KEAP1: variants seen among roughly 807,000 people sequenced by gnomAD.
The protein encoded by KEAP1 is kelch-like ECH-associated protein 1.
In KEAP1, 26 loss-of-function variants were observed where a neutral mutation model predicts 59.7. The observed-to-expected ratio is 0.44, with a 90% CI of 0.32 to 0.60. The LOEUF (loss-of-function observed/expected upper bound fraction) is 0.60, where lower values mean the gene tolerates loss of function less well. Ranked by LOEUF, KEAP1 falls within the 20% of genes least tolerant of loss-of-function variation. KEAP1 has a pLI of 0.06. For missense variants in KEAP1, 539 were observed against 871.4 expected (o/e 0.62, Z 4.80); for synonymous variants, 350 against 358.3 (o/e 0.98, Z 0.26).
At chr19:10,497,815 G>C (rs1914900797) in intron 2 of KEAP1, among the ~76,000 whole-genome samples, 1 of 152,170 alleles carries the variant, frequency 6.6e-6, no homozygotes, top group Admixed American at 6.5e-5. Context: ...GCCTCCTTGA[G>C]CCCAAGAGTT....
In KEAP1 at chr19:10,489,181, C is replaced by T. The variant is rs977175626; in HGVS notation, c.1708+11G>A. ...GCTAGTCAGGACTCTTCCCCGCCCC[C>T]AGGGCCTCACCAAGGACGTAGATTC... On this transcript the variant is annotated intron_variant, in intron 5 of 5. Transcript: ENST00000171111. 6.2e-7 allele frequency: 1 copy of T among 1,610,064 alleles called. No individual in the cohort carries two copies. Among genetic ancestry groups the T allele is most frequent in the Non-Finnish European group, 8.5e-7 (1 of 1,178,666 alleles).
At chr19:10,494,765 C>T (rs1914797008) in intron 2 of KEAP1, among the ~76,000 whole-genome samples, 1 of 151,462 alleles carries the variant, frequency 6.6e-6, no homozygotes, top group African/African-American at 2.4e-5. Flanking sequence ...ATGCGATTCT[C>T]CTGCCTCAGC....
chr19:10,501,502 C>T (rs966631472), intron 1 of KEAP1, among the ~76,000 whole-genome samples: 62 of 151,580 alleles, frequency 4.1e-4, no homozygotes, highest in African/African-American at 1.4e-3. Context: ...TGGCGGCGGG[C>T]GCCTGTAGTC....
chr19:10,492,090 A>T lies in KEAP1; in HGVS notation c.812T>A (p.Val271Glu), dbSNP rs1599484575. The change falls in exon 3 of 6, where the codon GTG becomes GAG. Residue 271 changes from valine to glutamate, a missense_variant. Transcript: ENST00000171111. ...RFYVQALLRAVRCHSLTPNFL... is the reference protein window; with the variant it reads ...RFYVQALLRAERCHSLTPNFL... The stretch of plus-strand genomic sequence containing the variant: ...GTTCGGCGTCAACGAGTGGCAGCGC[A>T]CGGCCCGCAGCAGCGCCTGGACGTA... 1 of 1,613,902 alleles carries T rather than the reference A, an allele frequency of 6.2e-7. No individual in the cohort carries two copies. Among genetic ancestry groups the T allele is most frequent in the East Asian group, 2.2e-5 (1 of 44,886 alleles).
chr19:10,498,293 C>T (rs569317996), intron 2 of KEAP1, among the ~76,000 whole-genome samples: 3 of 149,382 alleles, frequency 2.0e-5, no homozygotes, highest in Non-Finnish European at 3.0e-5. Context: ...TCCACCTCCC[C>T]GGTTCAAGCG....
chr19:10,496,873 G>T (rs536289744), intron 2 of KEAP1, among the ~76,000 whole-genome samples: 2 of 151,290 alleles, frequency 1.3e-5, no homozygotes, highest in Non-Finnish European at 2.9e-5. Context: ...TCCCAGCACA[G>T]TTAGGGAGGC....
rs1325884592 is a variant in KEAP1, at chr19:10,503,277, G to T, written c.-84C>A. 3.3e-5 allele frequency: 5 copies of T among 152,446 alleles called. No homozygotes were observed. Among genetic ancestry groups the T allele is most frequent in the African/African-American group, 1.2e-4 (5 of 41,472 alleles). The allele number at this position is 152,446 out of a possible 1,614,324, so 9.4% of individuals were successfully genotyped here. On this transcript the variant is annotated 5_prime_UTR_variant, in exon 1 of 6. Transcript: ENST00000171111. This position sits in a 1 kb window ranked among gnomAD's most constrained non-coding sequence, Gnocchi z 4.3. ...GGGACCCGCGGGCGCCTCCGCCGTC[G>T]GGGGGCCTCGGCTCCAGGGCTGCGT...
intron 1 of KEAP1, among the ~76,000 whole-genome samples, chr19:10,500,974 C>T (rs1255999582): frequency 6.6e-6 from 1 of 152,152 alleles, no homozygotes; most frequent in Non-Finnish European, 1.5e-5. Context: ...GCCACCATGC[C>T]TGACCCGGGG....
rs1915061243 is a variant in KEAP1 at position 10,502,043 on chromosome 19, A to G, written c.-48+1198T>C. On this transcript the variant is annotated intron_variant, in intron 1 of 5. Transcript: ENST00000171111. This position sits in a 1 kb window ranked among gnomAD's most constrained non-coding sequence, Gnocchi z 4.0. ...TCGACTGTCTCTCGTCCCCGGCCCC[A>G]GCGCCTCAAATGGCAGGGAGACCTA... is the stretch of plus-strand genomic sequence containing the variant. 6.6e-6 allele frequency among the ~76,000 whole-genome samples: 1 copy of G among 152,128 alleles called. No homozygotes were observed. The highest frequency in any genetic ancestry group is 1.5e-5 in the Non-Finnish European group (1 of 68,022).
chr19:10,501,458 T>A (rs1915041645), intron 1 of KEAP1, among the ~76,000 whole-genome samples: 1 of 151,180 alleles, frequency 6.6e-6, no homozygotes, highest in Admixed American at 6.6e-5. Context: ...TGAAACCCCA[T>A]CTCTACTAAA....
chr19:10,494,435 A>G (rs1046634185), intron 2 of KEAP1, among the ~76,000 whole-genome samples: 17 of 141,782 alleles, frequency 1.2e-4, no homozygotes, highest in African/African-American at 4.6e-4. Context: ...GGTTCACGCC[A>G]TTCTCCTGCC....
intron 4 of KEAP1, 96 bp downstream of exon 4, chr19:10,489,552 G>T (rs894474905): frequency 5.8e-5 from 82 of 1,415,952 alleles, no homozygotes; most frequent in Admixed American, 5.7e-4. Context: ...CAGCATGAGG[G>T]TTGCAACAGG....
At chr19:10,501,502 C>A (rs966631472) in intron 1 of KEAP1, among the ~76,000 whole-genome samples, 2 of 151,462 alleles carry the variant, frequency 1.3e-5, no homozygotes, top group Non-Finnish European at 2.9e-5. Context: ...TGGCGGCGGG[C>A]GCCTGTAGTC....
intron 3 of KEAP1, 135 bp from the exon 4 acceptor site, chr19:10,489,988 A>C: frequency 2.4e-6 from 2 of 846,828 alleles, no homozygotes; most frequent in Non-Finnish European, 3.6e-6. Flanking sequence ...GCGATGGCTC[A>C]TGCCTGTAAT....
intron 5 of KEAP1, 97 bp downstream of exon 5, chr19:10,489,095 A>T (rs1365697258): frequency 9.8e-5 from 3 of 30,632 alleles, no homozygotes; most frequent in Non-Finnish European, 4.4e-5. Flanking sequence ...CCTTGTTTCT[A>T]AAAAAAAAAA....
intron 1 of KEAP1, 146 bp from the exon 2 acceptor site, chr19:10,500,226 T>G (rs1184656074): frequency 1.6e-6 from 1 of 606,790 alleles, no homozygotes; most frequent in East Asian, 2.8e-5. Context: ...CTTGCAAACT[T>G]CCCCGACCTG....
intron 5 of KEAP1, among the ~76,000 whole-genome samples, chr19:10,488,352 C>T (rs998425415): frequency 6.6e-6 from 1 of 151,952 alleles, no homozygotes; most frequent in Non-Finnish European, 1.5e-5. Flanking sequence ...GTGGCTCACA[C>T]CTGTAATCCC....
At chr19:10,501,405 G>A (rs1046635322) in intron 1 of KEAP1, among the ~76,000 whole-genome samples, 9 of 151,794 alleles carry the variant, frequency 5.9e-5, no homozygotes, top group East Asian at 2.0e-4. Context: ...CGAGGCAGGC[G>A]GATCACAAGG....
At chr19:10,493,683 T>A (rs936666871) in intron 2 of KEAP1, among the ~76,000 whole-genome samples, 2 of 147,548 alleles carry the variant, frequency 1.4e-5, no homozygotes, top group Admixed American at 6.9e-5. Flanking sequence ...TGCCTCAGCC[T>A]CCCGAGTAGC....
Sources: allele counts gnomAD v4.1 joint callset (sites outside exome capture counted in the v4.1 genomes callset), GRCh38; gene constraint gnomAD v4.1.1; non-coding constraint Gnocchi (gnomAD v3.1); transcripts MANE v1.5; gene names NCBI Gene and HGNC (gene_info 2026-07-23, HGNC 2026-07-21).